Variants in ATP9A observed in about 807,000 individuals in gnomAD.
ATP9A encodes ATPase phospholipid transporting 9A.
Under a neutral mutation model 144.1 loss-of-function variants are expected in ATP9A, and 52 were observed. The ratio of observed to expected loss-of-function variants is 0.36; its 90% CI spans 0.29 to 0.45. The LOEUF (loss-of-function observed/expected upper bound fraction) is 0.45. ATP9A is among the 20% of genes least tolerant of loss of function. The pLI is 1.00. For synonymous variants in ATP9A, 582 were observed against 557.4 expected, an observed-to-expected ratio of 1.04 and a Z score of -0.62; for missense variants, 947 against 1,392.7, an observed-to-expected ratio of 0.68 and a Z score of 5.09.
At chr20:51,622,285 C>T (rs2077230209) in intron 18 of ATP9A, 113 bp from the exon 19 acceptor site, 1 of 803,646 alleles carries the variant, frequency 1.2e-6, no homozygotes. Flanking sequence ...TTCCGTTTAC[C>T]TCCTGCCGAC....
intron 1 of ATP9A, among the ~76,000 whole-genome samples, chr20:51,733,243 C>A (rs1408122141): frequency 6.6e-6 from 1 of 152,136 alleles, no homozygotes; most frequent in Non-Finnish European, 1.5e-5. Flanking sequence ...TCAGTCCCTT[C>A]CCGCTACTAT....
rs985749826 is a variant in ATP9A at position 51,600,817 on chromosome 20, C to A, written c.*394G>T. 6.2e-6 allele frequency: 1 copy of A among 161,530 alleles called. No homozygotes were observed. The highest frequency in any genetic ancestry group is 2.4e-5 in the African/African-American group (1 of 41,454). The allele number at this position is 161,530 out of a possible 1,614,324, so 10.0% of individuals were successfully genotyped here. ...TTAGGACTCTTTAAAAACACACACACACACACACACACACACACACACACA... is the reference window on the plus strand; with the variant it reads ...TTAGGACTCTTTAAAAACACACACAAACACACACACACACACACACACACA... On this transcript the variant is annotated 3_prime_UTR_variant, in exon 28 of 28. Coordinates refer to ENST00000338821, the MANE Select transcript of ATP9A (RefSeq NM_006045.3).
chr20:51,715,146 T>C (rs1298975754), intron 3 of ATP9A, among the ~76,000 whole-genome samples: 1 of 152,240 alleles, frequency 6.6e-6, no homozygotes, highest in African/African-American at 2.4e-5. Flanking sequence ...TTTCATAGTT[T>C]ACCCTGTGAA....
intron 9 of ATP9A, among the ~76,000 whole-genome samples, chr20:51,678,072 G>A (rs1419992318): frequency 1.0e-5 from 1 of 95,470 alleles, no homozygotes; most frequent in Non-Finnish European, 2.9e-5. Flanking sequence ...ATCACAGGGA[G>A]TGAGTGGCGC....
intron 11 of ATP9A, among the ~76,000 whole-genome samples, chr20:51,673,355 C>A (rs1222271705): frequency 6.6e-6 from 1 of 152,038 alleles, no homozygotes; most frequent in Non-Finnish European, 1.5e-5. Context: ...GCCTGGGCGA[C>A]AGAGCAAGAC....
Position 51,690,790 on chromosome 20 carries a change from G to A in ATP9A, c.672C>T (p.Tyr224=), listed in dbSNP as rs61737131. The A allele has an allele frequency of 2.8e-4, 459 of 1,614,090 alleles. 2 individuals carry two copies. The African/African-American group carries it at 4.9e-3, about 17-fold the overall frequency. ...GAATGTCAATATTTGGCTCTTCTGC[G>A]TACACATACGATCGAATCTGAAGAA... is the stretch of plus-strand genomic sequence containing the variant. ...ADLLQIRSYV[Y]AEEPNIDIHN... The change falls in exon 8 of 28, where the codon TAC becomes TAT. Residue 224 remains tyrosine, a synonymous_variant. Transcript: ENST00000338821.
intron 13 of ATP9A, among the ~76,000 whole-genome samples, chr20:51,664,529 A>T (rs2426367): frequency 0.49 from 74,339 of 151,928 alleles, 18,934 homozygotes; most frequent in East Asian, 0.79. Context: ...TCAAGGCTAC[A>T]GTGAGCTGTG....
intron 3 of ATP9A, among the ~76,000 whole-genome samples, chr20:51,725,359 T>C (rs1205707): frequency 0.72 from 109,922 of 151,960 alleles, 40,163 homozygotes; most frequent in East Asian, 1. Context: ...TGGCCTCAGG[T>C]AATCCTCCCA....
In ATP9A at chr20:51,627,634, T is replaced by C; in HGVS notation, c.1811A>G (p.Lys604Arg). 2 of 1,614,196 alleles carry C rather than the reference T, an allele frequency of 1.2e-6. No individual in the cohort carries two copies. Among genetic ancestry groups the C allele is most frequent in the Non-Finnish European group, 1.7e-6 (2 of 1,180,032 alleles). Residue 604 changes from lysine to arginine, a missense_variant, in exon 17 of 28, where the codon AAG (lysine) becomes AGG (arginine). This residue lies in a region of ATP9A where 770 missense variants were observed against 1,047.9 expected (regional missense o/e 0.73). Coordinates refer to ENST00000338821, the MANE Select transcript of ATP9A (RefSeq NM_006045.3). ...EGLRVLVVAK[K>R]SLAEEQYQDF... ...CTGATACTGCTCCTCTGCAAGAGAC[T>C]TCTTTGCCACCACGAGCACCCGCAG...
chr20:51,675,756 T>C (rs1156627728), intron 10 of ATP9A, among the ~76,000 whole-genome samples: 1 of 151,880 alleles, frequency 6.6e-6, no homozygotes, highest in African/African-American at 2.4e-5. Context: ...GGTACACGCC[T>C]ATAGTCCCAG....
chr20:51,765,551 T>C lies in ATP9A; in HGVS notation c.68+2751A>G, dbSNP rs186568596. On this transcript the variant is annotated intron_variant, in intron 1 of 27. Coordinates refer to ENST00000338821, the MANE Select transcript of ATP9A (RefSeq NM_006045.3). ...CTGTAATCCCAGCTACTCAGGAGGC[T>C]GATTCAAGGAGAATCGCTTGAACCT... 2.0e-3 allele frequency among the ~76,000 whole-genome samples: 305 copies of C among 149,014 alleles called. No individual in the cohort carries two copies. The Middle Eastern group carries it at 0.024, about 12-fold the overall frequency.
intron 9 of ATP9A, among the ~76,000 whole-genome samples, chr20:51,682,403 G>A (rs2077503617): frequency 1.3e-5 from 2 of 151,886 alleles, no homozygotes; most frequent in African/African-American, 4.8e-5. Flanking sequence ...AAGGAGATGA[G>A]CACATGACAG....
rs2077559637 is a variant in ATP9A at position 51,694,005 on chromosome 20, C to T, written c.642+3G>A. ...ATGGGCTTCTGCAGGGAAAGCTACT[C>T]ACGGCGGCCGTGGGGAGCCTCTGCG... On this transcript the variant is annotated splice_donor_region_variant and intron_variant, in intron 7 of 27. Transcript: ENST00000338821. 1.2e-6 allele frequency: 2 copies of T among 1,612,466 alleles called. No individual in the cohort carries two copies. Among genetic ancestry groups the T allele is most frequent in the Admixed American group, 1.7e-5 (1 of 59,766 alleles).
At chr20:51,760,585 G>A (rs529936974) in intron 1 of ATP9A, among the ~76,000 whole-genome samples, 45 of 152,002 alleles carry the variant, frequency 3.0e-4, no homozygotes, top group Non-Finnish European at 4.6e-4. Flanking sequence ...AAATTAGCCG[G>A]GCATACTGGT....
rs374754581 is a variant in ATP9A at position 51,763,028 on chromosome 20, A to G, written c.68+5274T>C. Among the ~76,000 whole-genome samples, 12 of 151,876 alleles carry G rather than the reference A, an allele frequency of 7.9e-5. No homozygotes were observed. In the East Asian group the frequency reaches 2.0e-3, roughly 25 times the overall value. ...AGCCACCAAGCCCAACTGAAATTCT[A>G]TTACACAATAAAAAGAAACTTCAAA... On this transcript the variant is annotated intron_variant, in intron 1 of 27. Coordinates refer to ENST00000338821, the MANE Select transcript of ATP9A (RefSeq NM_006045.3).
chr20:51,716,931 C>T (rs2077664376), intron 3 of ATP9A, among the ~76,000 whole-genome samples: 2 of 151,976 alleles, frequency 1.3e-5, no homozygotes, highest in Non-Finnish European at 2.9e-5. Context: ...CCCAGTACTT[C>T]GGGAGGCCGA....
At chr20:51,648,755 C>A (rs1352393656) in intron 14 of ATP9A, among the ~76,000 whole-genome samples, 1 of 152,064 alleles carries the variant, frequency 6.6e-6, no homozygotes, top group Non-Finnish European at 1.5e-5. Context: ...CTGCTTGAGG[C>A]CAGGAGGTCA....
intron 13 of ATP9A, among the ~76,000 whole-genome samples, chr20:51,657,860 A>C (rs2077393741): frequency 6.6e-6 from 1 of 152,168 alleles, no homozygotes; most frequent in African/African-American, 2.4e-5. Context: ...CTGAAGCTAG[A>C]CTTTCGGGTG....
At chr20:51,753,003 G>T (rs2077839077) in intron 1 of ATP9A, among the ~76,000 whole-genome samples, 1 of 152,086 alleles carries the variant, frequency 6.6e-6, no homozygotes, top group Non-Finnish European at 1.5e-5. Flanking sequence ...TTGGGAGGCT[G>T]AGGCAGGACA....
Sources: allele counts gnomAD v4.1 joint callset (sites outside exome capture counted in the v4.1 genomes callset), GRCh38; gene constraint gnomAD v4.1.1; regional missense constraint gnomAD v4.1.1; transcripts MANE v1.5; gene names NCBI Gene and HGNC (gene_info 2026-07-23, HGNC 2026-07-21).